The following NRXN3 variants were observed in gnomAD, a reference collection of about 807,000 sequenced individuals.
NRXN3 encodes the protein neurexin III.
Under a neutral mutation model 137.6 loss-of-function variants are expected in NRXN3, and 32 were observed. That is an observed-to-expected ratio of 0.23 (90% CI 0.18 to 0.31). NRXN3 has a LOEUF of 0.31. NRXN3 is among the 10% of genes least tolerant of loss of function. The pLI, the probability that NRXN3 is intolerant of heterozygous loss-of-function variation, is 1.00. For synonymous variants in NRXN3, 798 were observed against 784.5 expected, an observed-to-expected ratio of 1.02 and a Z score of -0.29; for missense variants, 1,574 against 2,062.5, an observed-to-expected ratio of 0.76 and a Z score of 4.59.
intron 6 of NRXN3, among the ~76,000 whole-genome samples, chr14:78,674,177 T>C (rs772776234): frequency 7.9e-5 from 12 of 152,184 alleles, no homozygotes; most frequent in Non-Finnish European, 1.5e-4. Context: ...GGCTTTTGTG[T>C]GTCTCTCAGA....
intron 15 of NRXN3, among the ~76,000 whole-genome samples, chr14:79,158,274 C>T (rs996294279): frequency 9.9e-5 from 15 of 151,790 alleles, no homozygotes; most frequent in African/African-American, 3.6e-4. Flanking sequence ...TCACACCTTT[C>T]TAAATCACAT....
intron 16 of NRXN3, among the ~76,000 whole-genome samples, chr14:79,533,867 G>A (rs754678353): frequency 6.6e-6 from 1 of 152,134 alleles, no homozygotes; most frequent in African/African-American, 2.4e-5. Context: ...CAGAGCTAAG[G>A]AAACAGCTCA....
intron 4 of NRXN3, among the ~76,000 whole-genome samples, chr14:78,642,366 G>A (rs573498074): frequency 2.6e-5 from 4 of 152,074 alleles, no homozygotes; most frequent in Non-Finnish European, 4.4e-5. Flanking sequence ...CAGACTCCTT[G>A]CTCTAATTAT....
chr14:79,750,568 T>G (rs2098994065), intron 19 of NRXN3, among the ~76,000 whole-genome samples: 1 of 152,068 alleles, frequency 6.6e-6, no homozygotes, highest in Admixed American at 6.6e-5. Flanking sequence ...TTGATGAAGG[T>G]CACAAAAGCT....
At chr14:79,091,704 AC>A (rs2049227200) in intron 15 of NRXN3, among the ~76,000 whole-genome samples, 1 of 152,082 alleles carries the variant, frequency 6.6e-6, no homozygotes, top group Non-Finnish European at 1.5e-5. Context: ...GATCATAAAG[AC>A]CTAGTTAGTA....
chr14:78,794,917 CA>C (rs1275270188), intron 8 of NRXN3, among the ~76,000 whole-genome samples: 1 of 49,410 alleles, frequency 2.0e-5, no homozygotes, highest in Admixed American at 2.5e-4. Context: ...TTTACAAAAA[CA>C]AACAAACAAA....
At chr14:78,899,403 C>G (rs996876043) in intron 10 of NRXN3, among the ~76,000 whole-genome samples, 1 of 151,964 alleles carries the variant, frequency 6.6e-6, no homozygotes, top group South Asian at 2.1e-4. Context: ...ATTTTACTCA[C>G]CTCTGCGTCC....
intron 20 of NRXN3, among the ~76,000 whole-genome samples, chr14:79,842,377 A>T (rs770416030): frequency 1.3e-5 from 2 of 152,070 alleles, no homozygotes; most frequent in African/African-American, 2.4e-5. Flanking sequence ...AACGAGAAAG[A>T]CCTAGCCAAG....
chr14:79,280,340 T>C lies in NRXN3; in HGVS notation c.3263-186881T>C, dbSNP rs780643437. On this transcript the variant is annotated intron_variant, in intron 15 of 20. Coordinates refer to ENST00000335750, the MANE Select transcript of NRXN3 (RefSeq NM_001330195.2). Reference sequence around the variant, plus strand: ...ACGGAGCCCTCCTCGCCGGCCGGCCTGGACGCTTGGGATCTGGTTCCTGTT... The same window carrying C: ...ACGGAGCCCTCCTCGCCGGCCGGCCCGGACGCTTGGGATCTGGTTCCTGTT... The C allele has an allele frequency of 3.7e-6, 6 of 1,614,090 alleles. No homozygotes were observed. The Admixed American group carries it at 8.3e-5, about 22-fold the overall frequency.
At chr14:78,676,137 G>C (rs2098002853) in intron 6 of NRXN3, among the ~76,000 whole-genome samples, 1 of 152,068 alleles carries the variant, frequency 6.6e-6, no homozygotes, top group African/African-American at 2.4e-5. Flanking sequence ...TAGCCCTACT[G>C]TGGCCTCCAA....
chr14:79,779,820 A>T (rs145790738), intron 19 of NRXN3, among the ~76,000 whole-genome samples: 156 of 152,224 alleles, frequency 1.0e-3, no homozygotes, highest in African/African-American at 3.5e-3. Flanking sequence ...ATAAGGCAAC[A>T]CCATGTTCAA....
intron 19 of NRXN3, among the ~76,000 whole-genome samples, chr14:79,705,023 T>C (rs2098771528): frequency 6.6e-6 from 1 of 152,124 alleles, no homozygotes; most frequent in African/African-American, 2.4e-5. Context: ...GTCTAGTCGA[T>C]GAAAGGGTCC....
intron 8 of NRXN3, among the ~76,000 whole-genome samples, chr14:78,768,899 A>G (rs1020538531): frequency 6.6e-6 from 1 of 152,150 alleles, no homozygotes; most frequent in African/African-American, 2.4e-5. Flanking sequence ...TCCAAACCCC[A>G]TGTTTTAAGG....
intron 19 of NRXN3, among the ~76,000 whole-genome samples, chr14:79,752,989 T>C (rs996438565): frequency 9.9e-5 from 15 of 152,000 alleles, no homozygotes; most frequent in Non-Finnish European, 1.9e-4. Context: ...TCACTGGCCA[T>C]CAGAGAAATG....
intron 4 of NRXN3, among the ~76,000 whole-genome samples, chr14:78,475,303 A>G (rs2095360021): frequency 1.3e-5 from 2 of 152,226 alleles, no homozygotes; most frequent in African/African-American, 4.8e-5. Context: ...CGCAGAGGTT[A>G]GCATGGTAAG....
chr14:79,524,235 A>G (rs1260045950), intron 16 of NRXN3, among the ~76,000 whole-genome samples: 1 of 152,174 alleles, frequency 6.6e-6, no homozygotes, highest in Non-Finnish European at 1.5e-5. Flanking sequence ...TAGAGGGGGG[A>G]TAACCTCATG....
chr14:79,738,728 T>C (rs1214816615), intron 19 of NRXN3, among the ~76,000 whole-genome samples: 3 of 151,940 alleles, frequency 2.0e-5, no homozygotes, highest in Non-Finnish European at 2.9e-5. Context: ...CCAGCTAATT[T>C]TTGTATTTTT....
At chr14:78,413,588 A>G (rs2092960684) in intron 4 of NRXN3, among the ~76,000 whole-genome samples, 2 of 152,158 alleles carry the variant, frequency 1.3e-5, no homozygotes, top group Non-Finnish European at 2.9e-5. Context: ...GGCCTGGGCT[A>G]AGCTTTTATA....
chr14:79,180,305 C>A (rs1264299090), intron 15 of NRXN3, among the ~76,000 whole-genome samples: 4 of 152,182 alleles, frequency 2.6e-5, no homozygotes, highest in African/African-American at 9.7e-5. Flanking sequence ...GATAAACGTG[C>A]TGCTTATTTC....
Sources: gnomAD v4.1 joint callset for allele counts (sites outside exome capture counted in the v4.1 genomes callset) on GRCh38, gnomAD v4.1.1 for gene constraint, MANE v1.5 for transcripts, NCBI Gene and HGNC (gene_info 2026-07-23, HGNC 2026-07-21) for gene names.